MYH11: variants seen among roughly 807,000 people sequenced by gnomAD.
MYH11 encodes the protein myosin heavy chain 11, also known as myosin-11.
MYH11 carries 80 observed loss-of-function variants against 246.6 expected under a neutral mutation model. The ratio of observed to expected loss-of-function variants is 0.32; its 90% CI spans 0.27 to 0.39. The LOEUF (loss-of-function observed/expected upper bound fraction) is 0.39, where lower values mean the gene tolerates loss of function less well. Ranked by LOEUF, MYH11 falls within the 10% of genes least tolerant of loss-of-function variation. MYH11 has a pLI of 1.00. For synonymous variants in MYH11, 1,071 were observed against 1,015.5 expected (o/e 1.05, Z -1.04); for missense variants, 2,158 against 2,546.8 (o/e 0.85, Z 3.29).
At chr16:15,850,219 T>C (rs1180679420) in intron 1 of MYH11, among the ~76,000 whole-genome samples, 3 of 151,984 alleles carry the variant, frequency 2.0e-5, no homozygotes, top group Non-Finnish European at 4.4e-5. Flanking sequence ...ACCCCGTCTC[T>C]ACTAAAAATA....
chr16:15,747,763 T>C (rs763562967), intron 18 of MYH11, 33 bp from the exon 19 acceptor site: 43 of 1,613,514 alleles, frequency 2.7e-5, no homozygotes, highest in Admixed American at 5.0e-5. Context: ...AGCTCCTGAT[T>C]TCCACTGTGC....
chr16:15,787,611 C>A (rs2042502008), intron 4 of MYH11, among the ~76,000 whole-genome samples: 1 of 150,790 alleles, frequency 6.6e-6, no homozygotes, highest in African/African-American at 2.4e-5. Flanking sequence ...GTAGCTGGGA[C>A]TACAGGCACC....
At chr16:15,786,097 AG>A in intron 5 of MYH11, 1 of 266,496 alleles carries the variant, frequency 3.8e-6, no homozygotes, top group South Asian at 4.5e-5. Flanking sequence ...GGAACCCAAA[AG>A]GTACCTTAAC....
chr16:15,832,964 T>C (rs1487443259), intron 2 of MYH11, among the ~76,000 whole-genome samples: 1 of 133,690 alleles, frequency 7.5e-6, no homozygotes, highest in East Asian at 2.2e-4. Context: ...TTTTTTTTTT[T>C]TTTTTTTTTT....
chr16:15,733,820 G>A (rs2041037740), intron 26 of MYH11, among the ~76,000 whole-genome samples: 1 of 152,204 alleles, frequency 6.6e-6, no homozygotes, highest in African/African-American at 2.4e-5. Flanking sequence ...TGGGATTACA[G>A]GCATGAGCCA....
In MYH11 at chr16:15,756,372, G is replaced by A; in HGVS notation, c.1718C>T (p.Thr573Ile). ...AGCATAATGGATGATGGAGAACTCA[G>A]TCTTGTCCTTGAGCTGCTTGGGCTT... The part of the protein sequence containing the change: ...FQKPKQLKDK[T>I]EFSIIHYAGK... The change falls in exon 14 of 41, where the codon ACT becomes ATT. Residue 573 changes from threonine (T) to isoleucine (I), a missense_variant. Transcript: ENST00000300036. 6.2e-7 allele frequency: 1 copy of A among 1,614,186 alleles called. No homozygotes were observed. The highest frequency in any genetic ancestry group is 8.5e-7 in the Non-Finnish European group (1 of 1,180,046).
intron 27 of MYH11, among the ~76,000 whole-genome samples, chr16:15,730,789 C>T (rs1165838472): frequency 6.6e-6 from 1 of 152,144 alleles, no homozygotes; most frequent in Admixed American, 6.6e-5. Flanking sequence ...AAAACTTACC[C>T]TGGGGAATGA....
At chr16:15,720,758 T>C in intron 33 of MYH11, 81 bp downstream of exon 33, 1 of 1,460,014 alleles carries the variant, frequency 6.8e-7, no homozygotes, top group East Asian at 2.3e-5. Flanking sequence ...AAACGAAGTT[T>C]CCACACCAAC....
At chr16:15,794,273 A>G (rs9923303) in intron 4 of MYH11, among the ~76,000 whole-genome samples, 35,658 of 152,180 alleles carry the variant, frequency 0.23, 4,397 homozygotes, top group African/African-American at 0.31. Context: ...CTGCATAACC[A>G]AACAGTTGGC....
At chr16:15,718,570 G>T in intron 36 of MYH11, 132 bp from the exon 37 acceptor site, 2 of 1,335,648 alleles carry the variant, frequency 1.5e-6, no homozygotes, top group South Asian at 2.9e-5. Flanking sequence ...GAGAAGATTA[G>T]AAGACTCATC....
intron 5 of MYH11, chr16:15,785,472 G>C (rs545747933): frequency 1.9e-4 from 29 of 151,998 alleles, no homozygotes; most frequent in African/African-American, 6.0e-4. Flanking sequence ...GCTGAATCTT[G>C]AGTTTCCTGC....
intron 3 of MYH11, among the ~76,000 whole-genome samples, chr16:15,809,551 T>C (rs903030828): frequency 1.3e-5 from 2 of 149,330 alleles, no homozygotes; most frequent in Non-Finnish European, 3.0e-5. Flanking sequence ...TGCTGTTGGA[T>C]AAAGAAAGGA....
chr16:15,741,982 A>G (rs2041288203), intron 20 of MYH11, 91 bp from the exon 21 acceptor site: 14 of 1,554,420 alleles, frequency 9.0e-6, no homozygotes, highest in Non-Finnish European at 1.2e-5. Flanking sequence ...AGCCAGGGAC[A>G]ATGTTGCCCC....
intron 40 of MYH11, among the ~76,000 whole-genome samples, chr16:15,704,513 T>C (rs1248751112): frequency 2.6e-5 from 4 of 152,228 alleles, no homozygotes; most frequent in African/African-American, 4.8e-5. Context: ...GTCTTCTGAC[T>C]TTATTCATAG....
chr16:15,802,041 C>T (rs1371941842), intron 3 of MYH11, among the ~76,000 whole-genome samples: 1 of 152,208 alleles, frequency 6.6e-6, no homozygotes, highest in Admixed American at 6.5e-5. Context: ...CCTACTTTCA[C>T]CCATTCTACT....
At chr16:15,762,849 C>T (rs191175854) in intron 10 of MYH11, among the ~76,000 whole-genome samples, 2 of 152,150 alleles carry the variant, frequency 1.3e-5, no homozygotes, top group East Asian at 3.8e-4. Context: ...ACCCAGTAAG[C>T]GGTTGCAACA....
intron 36 of MYH11, 196 bp from the exon 37 acceptor site, chr16:15,718,634 A>G: frequency 1.3e-6 from 1 of 792,346 alleles, no homozygotes; most frequent in East Asian, 2.7e-5. Context: ...GGTCCGTGTC[A>G]GCAAAGCTGG....
At position 15,838,088 on chromosome 16, in the gene MYH11, C is replaced by A; in HGVS notation, c.165G>T (p.Gly55=). The part of the protein sequence containing the change: ...FEAASIKEEK[G]DEVVVELVEN... ...CCACCAGCTCCACAACCACCTCATC[C>A]CCCTTCTCCTCCTTAATGCTGGCTG... The change falls in exon 2 of 41, where the codon GGG becomes GGT. Residue 55 remains glycine (G), a synonymous_variant. Transcript: ENST00000300036. The A allele has an allele frequency of 6.2e-6, 10 of 1,614,102 alleles. No individual in the cohort carries two copies. Among genetic ancestry groups the A allele is most frequent in the Non-Finnish European group, 8.5e-6 (10 of 1,180,026 alleles).
At chr16:15,710,873 T>C (rs7203223) in intron 40 of MYH11, among the ~76,000 whole-genome samples, 5,178 of 152,172 alleles carry the variant, frequency 0.034, 126 homozygotes, top group South Asian at 0.094. Context: ...AGATGAAGTT[T>C]CACCATGTTG....
Sources: allele counts gnomAD v4.1 joint callset (sites outside exome capture counted in the v4.1 genomes callset), GRCh38; gene constraint gnomAD v4.1.1; transcripts MANE v1.5; gene names NCBI Gene and HGNC (gene_info 2026-07-23, HGNC 2026-07-21).